The following NIPA1 variants were observed in gnomAD, a reference collection of about 807,000 sequenced individuals.
The protein encoded by NIPA1 is NIPA magnesium transporter 1, also known as magnesium transporter NIPA1.
Under a neutral mutation model 23.9 loss-of-function variants are expected in NIPA1, and 13 were observed. The observed-to-expected ratio is 0.54, with a 90% CI of 0.35 to 0.87. NIPA1 has a LOEUF of 0.87. Among genes scored for constraint, NIPA1 ranks in the 40% least tolerant of loss-of-function variants. The pLI, the probability that NIPA1 is intolerant of heterozygous loss-of-function variation, is 0.01. For synonymous variants in NIPA1, 234 were observed against 202.9 expected, an observed-to-expected ratio of 1.15 and a Z score of -1.30; for missense variants, 362 against 429.7, an observed-to-expected ratio of 0.84 and a Z score of 1.39.
chr15:22,799,537 C>G (rs1380585007), intron 1 of NIPA1, among the ~76,000 whole-genome samples: 2 of 152,056 alleles, frequency 1.3e-5, no homozygotes, highest in Non-Finnish European at 2.9e-5. Flanking sequence ...AATCCCAGCA[C>G]TTTGGGAGGC....
rs1895710409 is a variant in NIPA1, at chr15:22,829,379, A to G, written c.*5140A>G. The G allele has an allele frequency of 6.6e-6, 1 of 152,528 alleles. No homozygotes were observed. The allele number at this position is 152,528 out of a possible 1,614,324, so 9.4% of individuals were successfully genotyped here. On this transcript the variant is annotated 3_prime_UTR_variant, in exon 5 of 5. Coordinates refer to ENST00000337435, the MANE Select transcript of NIPA1 (RefSeq NM_144599.5). The stretch of plus-strand genomic sequence containing the variant: ...CACTAGTGCCAAAGGGTCATGTTGA[A>G]AAGTTCAGAATATTTATTTGTCAGA...
chr15:22,803,455 T>C (rs1895130714), intron 1 of NIPA1, among the ~76,000 whole-genome samples: 1 of 151,566 alleles, frequency 6.6e-6, no homozygotes, highest in Non-Finnish European at 1.5e-5. Context: ...GATACAGGGA[T>C]TGGAAATATT....
rs181507534 is a variant in NIPA1, at chr15:22,786,685, C to T, written c.29C>T (p.Ala10Val). The T allele has an allele frequency of 2.7e-6, 3 of 1,095,086 alleles. No homozygotes were observed. Among genetic ancestry groups the T allele is most frequent in the Admixed American group, 4.7e-5 (1 of 21,418 alleles). The allele number at this position is 1,095,086 out of a possible 1,614,324, so 67.8% of individuals were successfully genotyped here. The part of the protein sequence containing the change: MGTAAAAAA[A>V]AAAAAAGEGA... ...GGGACTGCAGCTGCGGCAGCGGCGG[C>T]GGCGGCGGCGGCGGCGGCCGGGGAG... Residue 10 changes from alanine (A) to valine (V), a missense_variant, in exon 1 of 5, where the codon GCG (alanine) becomes GTG (valine). By Grantham distance (64) the Ala-to-Val change is moderately conservative (BLOSUM62 0). Coordinates refer to ENST00000337435, the MANE Select transcript of NIPA1 (RefSeq NM_144599.5).
At chr15:22,791,409 T>G (rs137917039) in intron 1 of NIPA1, among the ~76,000 whole-genome samples, 13 of 150,926 alleles carry the variant, frequency 8.6e-5, no homozygotes, top group African/African-American at 2.4e-5. Flanking sequence ...AGTCTCATCT[T>G]CAGGGGAGTC....
intron 1 of NIPA1, among the ~76,000 whole-genome samples, chr15:22,791,468 T>C (rs11631569): frequency 0.25 from 34,825 of 139,010 alleles, 5,556 homozygotes; most frequent in Non-Finnish European, 0.36. Flanking sequence ...CATGGCTTCC[T>C]CTTTCACTTT....
chr15:22,798,353 C>A (rs1411201127), intron 1 of NIPA1, among the ~76,000 whole-genome samples: 1 of 150,290 alleles, frequency 6.7e-6, no homozygotes, highest in Non-Finnish European at 1.5e-5. Flanking sequence ...CATTCTCCTG[C>A]CTCAGCCTCC....
intron 1 of NIPA1, among the ~76,000 whole-genome samples, chr15:22,798,430 G>A (rs1373483550): frequency 1.3e-5 from 2 of 149,754 alleles, no homozygotes; most frequent in Non-Finnish European, 3.0e-5. Context: ...AAGTAGAGAC[G>A]GGGTTTCACC....
Position 22,786,737 on chromosome 15 carries a change from C to A in NIPA1, c.81C>A (p.Ala27=). 3 of 1,268,090 alleles carry A rather than the reference C, an allele frequency of 2.4e-6. No individual in the cohort carries two copies. The highest frequency in any genetic ancestry group is 3.0e-6 in the Non-Finnish European group (3 of 987,620). 78.6% of individuals were successfully genotyped at this position (1,268,090 alleles called of 1,614,324 possible). ...GEGARSPSPA[A]VSLGLGVAVV... ...GGGCGCGTAGCCCGAGCCCCGCCGC[C>A]GTGTCGCTCGGCCTGGGCGTGGCCG... Residue 27 remains alanine, a synonymous_variant, in exon 1 of 5, where the codon GCC becomes GCA. Transcript: ENST00000337435.
chr15:22,811,095 G>A (rs943723662), intron 2 of NIPA1: 8 of 404,370 alleles, frequency 2.0e-5, no homozygotes, highest in East Asian at 9.0e-5. Context: ...TCCTGGGCCC[G>A]AAGAAATTAA....
At chr15:22,818,087 A>C (rs1895461978) in intron 3 of NIPA1, among the ~76,000 whole-genome samples, 1 of 152,058 alleles carries the variant, frequency 6.6e-6, no homozygotes, top group Admixed American at 6.5e-5. Flanking sequence ...TGAATTGAAA[A>C]CTCGTGGGAG....
chr15:22,808,287 A>C (rs1444385083), intron 1 of NIPA1, among the ~76,000 whole-genome samples: 1 of 152,230 alleles, frequency 6.6e-6, no homozygotes, highest in East Asian at 1.9e-4. Flanking sequence ...TACAGTGCCC[A>C]CCATGGGACA....
At chr15:22,788,530 TGACC>T (rs1471342941) in intron 1 of NIPA1, among the ~76,000 whole-genome samples, 1 of 123,832 alleles carries the variant, frequency 8.1e-6, no homozygotes, top group African/African-American at 2.6e-5. Context: ...GCAGTACACC[TGACC>T]AGTCCTCTGT....
intron 1 of NIPA1, among the ~76,000 whole-genome samples, chr15:22,808,516 C>T (rs920857504): frequency 2.0e-5 from 3 of 152,142 alleles, no homozygotes; most frequent in Non-Finnish European, 4.4e-5. Context: ...TTGGCTAAGC[C>T]AGTGTCCATC....
upstream of NIPA1, chr15:22,786,628 C>A: frequency 1.1e-6 from 1 of 925,042 alleles, no homozygotes; most frequent in Non-Finnish European, 1.3e-6. Flanking sequence ...GGCGCGCAGG[C>A]GCAGGCTCGG....
Position 22,786,710 on chromosome 15 carries a change from G to T in NIPA1, c.54G>T (p.Glu18Asp). 3 of 1,179,862 alleles carry T rather than the reference G, an allele frequency of 2.5e-6. No individual in the cohort carries two copies. Among genetic ancestry groups the T allele is most frequent in the Middle Eastern group, 2.4e-4 (1 of 4,110 alleles). 73.1% of individuals were successfully genotyped at this position (1,179,862 alleles called of 1,614,324 possible). The change falls in exon 1 of 5, where the codon GAG becomes GAT. Residue 18 changes from glutamate (E) to aspartate (D), a missense_variant. Transcript: ENST00000337435. ...CGGCGGCGGCGGCGGCGGCCGGGGA[G>T]GGGGCGCGTAGCCCGAGCCCCGCCG... ...AAAAAAAAAG[E>D]GARSPSPAAV...
At chr15:22,816,486 CTT>C (rs71117480) in intron 3 of NIPA1, among the ~76,000 whole-genome samples, 2 of 42,306 alleles carry the variant, frequency 4.7e-5, no homozygotes, top group African/African-American at 1.1e-4. Context: ...CGCACCCAGC[CTT>C]TTTTTTTTTT....
intron 1 of NIPA1, among the ~76,000 whole-genome samples, chr15:22,794,673 C>A (rs1023440102): frequency 2.0e-5 from 3 of 152,082 alleles, no homozygotes; most frequent in African/African-American, 4.8e-5. Context: ...AGTCCCCAAG[C>A]CTTCCACACT....
At chr15:22,809,352 A>G (rs1458991733) in intron 1 of NIPA1, among the ~76,000 whole-genome samples, 1 of 152,036 alleles carries the variant, frequency 6.6e-6, no homozygotes, top group Non-Finnish European at 1.5e-5. Flanking sequence ...GTGCCACTGC[A>G]CTCCAGCCTC....
rs139014172 is a variant in NIPA1 at position 22,829,786 on chromosome 15, T to C, written c.*5547T>C. The stretch of plus-strand genomic sequence containing the variant: ...TAAAATAAAATAACTTATTTCTAGC[T>C]GAACATTTGTTGATTTTTTTTTTTC... On this transcript the variant is annotated 3_prime_UTR_variant, in exon 5 of 5. Transcript: ENST00000337435. 6.6e-6 allele frequency: 1 copy of C among 152,216 alleles called. No homozygotes were observed. The highest frequency in any genetic ancestry group is 1.5e-5 in the Non-Finnish European group (1 of 68,032). The allele number at this position is 152,216 out of a possible 1,614,324, so 9.4% of individuals were successfully genotyped here.
Sources: gnomAD v4.1 joint callset for allele counts (sites outside exome capture counted in the v4.1 genomes callset) on GRCh38, gnomAD v4.1.1 for gene constraint, MANE v1.5 for transcripts, NCBI Gene and HGNC (gene_info 2026-07-23, HGNC 2026-07-21) for gene names.